Variants in SFI1 observed in about 807,000 individuals in gnomAD.
SFI1 encodes protein SFI1 homolog.
A neutral mutation model predicts 207.5 loss-of-function variants in SFI1; 195 were observed. The ratio of observed to expected loss-of-function variants is 0.94; its 90% confidence interval spans 0.84 to 1.06. The LOEUF (loss-of-function observed/expected upper bound fraction) is 1.06, where lower values mean the gene tolerates loss of function less well. SFI1 is among the 50% of genes least tolerant of loss of function. The probability of loss-of-function intolerance (pLI) is 0.00; values close to 1 mark genes in which losing one functional copy is unlikely to be tolerated. For synonymous variants in SFI1, 630 were observed against 598.9 expected (o/e 1.05, Z -0.76); for missense variants, 1,634 against 1,588.0 (o/e 1.03, Z -0.49).
At chr22:31,499,986 A>C (rs2053440567) in intron 1 of SFI1, among the ~76,000 whole-genome samples, 1 of 146,474 alleles carries the variant, frequency 6.8e-6, no homozygotes, top group South Asian at 2.2e-4. Context: ...CTCCATCTTA[A>C]AAAAAAAAAA....
intron 6 of SFI1, among the ~76,000 whole-genome samples, chr22:31,555,890 A>G (rs1030008974): frequency 1.3e-5 from 2 of 152,194 alleles, no homozygotes; most frequent in African/African-American, 4.8e-5. Context: ...ACAACTGTGA[A>G]ATATATAGTT....
intron 3 of SFI1, among the ~76,000 whole-genome samples, chr22:31,529,263 T>C (rs1158729624): frequency 6.6e-6 from 1 of 152,188 alleles, no homozygotes; most frequent in African/African-American, 2.4e-5. Flanking sequence ...CAAAAATTTA[T>C]CAGGTCAGGT....
chr22:31,615,357 T>C, intron 29 of SFI1, 78 bp downstream of exon 29: 2 of 1,296,964 alleles, frequency 1.5e-6, no homozygotes, highest in Non-Finnish European at 2.0e-6. Flanking sequence ...ATGCCACAGC[T>C]GTACTAGTTT....
intron 2 of SFI1, among the ~76,000 whole-genome samples, chr22:31,514,380 C>T (rs531585126): frequency 7.3e-5 from 11 of 151,074 alleles, no homozygotes; most frequent in East Asian, 2.0e-4. Context: ...TGGTGGCGGG[C>T]GCCTGTAGTC....
rs2072224807 is a variant in SFI1 at position 31,618,443 on chromosome 22, G to C, written c.*25G>C. 2 of 1,523,346 alleles carry C rather than the reference G, an allele frequency of 1.3e-6. No individual in the cohort carries two copies. Among genetic ancestry groups the C allele is most frequent in the Non-Finnish European group, 8.8e-7 (1 of 1,133,390 alleles). The allele number at this position is 1,523,346 out of a possible 1,614,324, so 94.4% of individuals were successfully genotyped here. A position where few individuals can be genotyped will look rare whatever the true frequency, so the allele number is the denominator to read the frequency against. On this transcript the variant is annotated 3_prime_UTR_variant, in exon 33 of 33. Coordinates refer to ENST00000400288, the MANE Select transcript of SFI1 (RefSeq NM_001007467.3). ...GCGTGTTCGCACCAGGAACGCAGGT[G>C]CTGGGCTGTCGGGGAGGCCTCAGGC... is the stretch of plus-strand genomic sequence containing the variant.
Position 31,613,688 on chromosome 22 carries a change from C to G in SFI1, c.2829C>G (p.Pro943=), listed in dbSNP as rs764187554. ...TGGGCCGGGGCGGGAAGCCTCAGCC[C>G]CTGGCAGCCATCGCACCCAGCAGGA... is the stretch of plus-strand genomic sequence containing the variant. ...KVLGRGGKPQ[P]LAAIAPSRKV... Residue 943 remains proline, a synonymous_variant, in exon 27 of 33, where the codon CCC becomes CCG. Transcript: ENST00000400288. The G allele has an allele frequency of 6.2e-7, 1 of 1,611,602 alleles. No individual in the cohort carries two copies. Among genetic ancestry groups the G allele is most frequent in the Admixed American group, 1.7e-5 (1 of 59,930 alleles).
At chr22:31,503,492 C>T (rs981559305) in intron 1 of SFI1, among the ~76,000 whole-genome samples, 10 of 151,722 alleles carry the variant, frequency 6.6e-5, no homozygotes, top group Non-Finnish European at 7.4e-5. Context: ...CCTTATGGTT[C>T]GTTCCTTTGT....
intron 3 of SFI1, chr22:31,530,682 T>G (rs1420507067): frequency 5.1e-5 from 24 of 466,554 alleles, no homozygotes; most frequent in Non-Finnish European, 1.0e-4. Flanking sequence ...TTGAACAGAG[T>G]GCTGAGAGTA....
chr22:31,502,800 C>T (rs745430217), intron 1 of SFI1, among the ~76,000 whole-genome samples: 14 of 152,010 alleles, frequency 9.2e-5, no homozygotes, highest in Non-Finnish European at 1.9e-4. Context: ...TCTCAATTGT[C>T]TGTTTATACT....
At chr22:31,575,651 C>T (rs2063401784) in intron 10 of SFI1, among the ~76,000 whole-genome samples, 1 of 152,196 alleles carries the variant, frequency 6.6e-6, no homozygotes, top group South Asian at 2.1e-4. Flanking sequence ...CTTCCTAGCA[C>T]ACCTATTTGC....
At chr22:31,595,163 AT>A (rs1332428375) in intron 15 of SFI1, among the ~76,000 whole-genome samples, 1 of 151,576 alleles carries the variant, frequency 6.6e-6, no homozygotes, top group Non-Finnish European at 1.5e-5. Context: ...CGCCCGGCTA[AT>A]TTTTTGTATC....
chr22:31,566,534 C>T (rs2062331916), intron 8 of SFI1, among the ~76,000 whole-genome samples: 2 of 152,212 alleles, frequency 1.3e-5, no homozygotes, highest in Non-Finnish European at 2.9e-5. Flanking sequence ...GTTCTTGAGT[C>T]AGACTGTCCA....
At chr22:31,617,775 G>T (rs955279402) in intron 31 of SFI1, among the ~76,000 whole-genome samples, 3 of 152,096 alleles carry the variant, frequency 2.0e-5, no homozygotes, top group Admixed American at 2.0e-4. Flanking sequence ...GCACTCAGTG[G>T]TCTGGGGACC....
chr22:31,612,283 G>A (rs960825524), intron 24 of SFI1: 3 of 158,032 alleles, frequency 1.9e-5, no homozygotes, highest in Non-Finnish European at 4.0e-5. Context: ...GGGAGGCTGA[G>A]GCAGGAGAAT....
intron 29 of SFI1, chr22:31,615,592 G>T: frequency 3.3e-6 from 1 of 298,822 alleles, no homozygotes; most frequent in Non-Finnish European, 6.1e-6. Context: ...AAGTAGCCTG[G>T]GATTTGAGAA....
intron 4 of SFI1, among the ~76,000 whole-genome samples, chr22:31,545,877 CTTTTTTTTTTTTT>C (rs770151262): frequency 3.0e-5 from 3 of 99,498 alleles, no homozygotes; most frequent in Admixed American, 1.2e-4. Context: ...CCGTGTCCAG[CTTTTTTTTTTTTT>C]TTTTTTTTTT....
Position 31,602,632 on chromosome 22 carries a change from TTC to T in SFI1, c.1654_1655del (p.Leu552ValfsTer2). On this transcript the variant is annotated frameshift_variant, in exon 17 of 33. Coordinates refer to ENST00000400288, the MANE Select transcript of SFI1 (RefSeq NM_001007467.3). LOFTEE classifies it high-confidence loss of function. ...GCCATCCTTCACGCAGAGCGACAGCTTCTGTATAGGTCTTGGTTCATGTGGCA... is the reference window on the plus strand; with the variant it reads ...GCCATCCTTCACGCAGAGCGACAGCTTGTATAGGTCTTGGTTCATGTGGCA... 1 of 1,614,214 alleles carries T rather than the reference TTC, an allele frequency of 6.2e-7. No homozygotes were observed. Among genetic ancestry groups the T allele is most frequent in the Non-Finnish European group, 8.5e-7 (1 of 1,180,030 alleles).
intron 24 of SFI1, 119 bp downstream of exon 24, chr22:31,611,959 C>T: frequency 1.4e-6 from 2 of 1,462,838 alleles, no homozygotes; most frequent in African/African-American, 1.4e-5. Flanking sequence ...TATCACCCTC[C>T]CCAGGGCCAC....
intron 2 of SFI1, among the ~76,000 whole-genome samples, chr22:31,522,936 G>A (rs1439269879): frequency 6.6e-6 from 1 of 152,174 alleles, no homozygotes; most frequent in Non-Finnish European, 1.5e-5. Flanking sequence ...TTACAGGTGT[G>A]AGCCACAGCA....
Sources: allele counts gnomAD v4.1 joint callset (sites outside exome capture counted in the v4.1 genomes callset), GRCh38; gene constraint gnomAD v4.1.1; transcripts MANE v1.5; gene names NCBI Gene and HGNC (gene_info 2026-07-23, HGNC 2026-07-21).